The following TBCK variants were observed in gnomAD, a reference collection of about 807,000 sequenced individuals.
TBCK encodes TBC domain-containing protein kinase-like protein.
A neutral mutation model predicts 113.4 loss-of-function variants in TBCK; 99 were observed. The ratio of observed to expected loss-of-function variants is 0.87; its 90% CI spans 0.74 to 1.03. The LOEUF is 1.03. Ranked by LOEUF, TBCK falls within the 50% of genes least tolerant of loss-of-function variation. TBCK has a pLI of 0.00. For missense variants in TBCK, 1,045 were observed against 1,061.3 expected (o/e 0.98, Z 0.21); for synonymous variants, 369 against 370.8 (o/e 1.00, Z 0.05).
chr4:106,090,585 C>A (rs1287105742), intron 25 of TBCK, among the ~76,000 whole-genome samples: 1 of 152,144 alleles, frequency 6.6e-6, no homozygotes, highest in African/African-American at 2.4e-5. Context: ...TGCTCTGCTT[C>A]CCTTTTAAAT....
At chr4:106,117,942 G>T (rs1215640552) in intron 23 of TBCK, among the ~76,000 whole-genome samples, 1 of 151,308 alleles carries the variant, frequency 6.6e-6, no homozygotes, top group African/African-American at 2.4e-5. Flanking sequence ...CCGGGAGGCG[G>T]AGCTTGCAGT....
At chr4:106,103,124 A>T (rs1304055886) in intron 24 of TBCK, among the ~76,000 whole-genome samples, 1 of 152,180 alleles carries the variant, frequency 6.6e-6, no homozygotes, top group Non-Finnish European at 1.5e-5. Context: ...AAATATTATA[A>T]ATTAAGTCAA....
At chr4:106,266,053 T>C (rs1427872866) in intron 3 of TBCK, among the ~76,000 whole-genome samples, 3 of 151,674 alleles carry the variant, frequency 2.0e-5, no homozygotes, top group Non-Finnish European at 4.4e-5. Context: ...TAAACAGAGT[T>C]TTCATAAACA....
At chr4:106,205,717 G>A (rs1350359082) in intron 20 of TBCK, among the ~76,000 whole-genome samples, 1 of 149,488 alleles carries the variant, frequency 6.7e-6, no homozygotes, top group African/African-American at 2.5e-5. Context: ...AGTGAGCCGA[G>A]ATCACTGCAC....
In TBCK at chr4:106,202,806, T is replaced by G. The variant is rs188450832; in HGVS notation, c.1861-8052A>C. On this transcript the variant is annotated intron_variant, in intron 20 of 25. Transcript: ENST00000394708. ...TTCTCATTCAGTCAGTCATTCAATG[T>G]GAAGGGCCTCACCACACAATATTTT... is the stretch of plus-strand genomic sequence containing the variant. Among the ~76,000 whole-genome samples, 11 of 152,116 alleles carry G rather than the reference T, an allele frequency of 7.2e-5. No individual in the cohort carries two copies. The East Asian group carries it at 1.9e-3, about 27-fold the overall frequency.
intron 5 of TBCK, among the ~76,000 whole-genome samples, chr4:106,260,155 A>G (rs934997987): frequency 6.6e-6 from 1 of 151,926 alleles, no homozygotes; most frequent in Non-Finnish European, 1.5e-5. Flanking sequence ...AGTTGATTTG[A>G]TTCTGAATGA....
chr4:106,076,111 G>A (rs1299461873), intron 25 of TBCK, among the ~76,000 whole-genome samples: 1 of 152,228 alleles, frequency 6.6e-6, no homozygotes, highest in Non-Finnish European at 1.5e-5. Flanking sequence ...GCTCTGTAGA[G>A]GATGGCAGGG....
At chr4:106,083,322 G>C (rs571593154) in intron 25 of TBCK, among the ~76,000 whole-genome samples, 1 of 151,782 alleles carries the variant, frequency 6.6e-6, no homozygotes, top group African/African-American at 2.4e-5. Flanking sequence ...GGCAGTCTGC[G>C]GCCAAAGTGC....
intron 23 of TBCK, among the ~76,000 whole-genome samples, chr4:106,126,118 C>T (rs79660674): frequency 6.6e-6 from 1 of 152,168 alleles, no homozygotes; most frequent in South Asian, 2.1e-4. Context: ...CTTAGAAAGC[C>T]ACAACCTGTG....
intron 24 of TBCK, among the ~76,000 whole-genome samples, chr4:106,112,473 A>C (rs945473355): frequency 3.3e-4 from 50 of 152,324 alleles, no homozygotes; most frequent in African/African-American, 8.9e-4. Flanking sequence ...TCTGGTGGAA[A>C]TCACGTAATT....
intron 3 of TBCK, among the ~76,000 whole-genome samples, chr4:106,276,730 C>T: frequency 6.6e-6 from 1 of 151,888 alleles, no homozygotes; most frequent in East Asian, 1.9e-4. Flanking sequence ...AACCACATAT[C>T]TACTAAAAAC....
chr4:106,301,816 G>C (rs971040871), intron 2 of TBCK, among the ~76,000 whole-genome samples: 1 of 152,096 alleles, frequency 6.6e-6, no homozygotes, highest in African/African-American at 2.4e-5. Context: ...AGCAAGAACA[G>C]AATAAAAGAG....
intron 23 of TBCK, among the ~76,000 whole-genome samples, chr4:106,165,060 A>T (rs1324953546): frequency 2.6e-5 from 4 of 151,778 alleles, no homozygotes; most frequent in Non-Finnish European, 1.5e-5. Context: ...AACAATAATT[A>T]TTGCTCATTT....
chr4:106,105,309 C>T (rs1742018746), intron 24 of TBCK, among the ~76,000 whole-genome samples: 1 of 152,228 alleles, frequency 6.6e-6, no homozygotes, highest in Non-Finnish European at 1.5e-5. Flanking sequence ...TGATGACCTG[C>T]ATCTCTCTGG....
At chr4:106,305,646 G>T (rs1289040904) in intron 2 of TBCK, among the ~76,000 whole-genome samples, 2 of 152,164 alleles carry the variant, frequency 1.3e-5, no homozygotes, top group African/African-American at 4.8e-5. Flanking sequence ...GGTAAAGTGA[G>T]GCTGAGACCT....
intron 24 of TBCK, among the ~76,000 whole-genome samples, chr4:106,099,755 T>C (rs1741330086): frequency 6.6e-6 from 1 of 152,186 alleles, no homozygotes; most frequent in Non-Finnish European, 1.5e-5. Flanking sequence ...CTATTTCAGA[T>C]ATTGATTTGT....
In TBCK at chr4:106,229,009, C is replaced by T. The variant is rs933881814; in HGVS notation, c.1774+1354G>A. Among the ~76,000 whole-genome samples, 2 of 152,120 alleles carry T rather than the reference C, an allele frequency of 1.3e-5. 1 individual carries two copies. The highest frequency in any genetic ancestry group is 6.8e-3 in the Middle Eastern group (2 of 294). On this transcript the variant is annotated intron_variant, in intron 19 of 25. Transcript: ENST00000394708. ...TCTGATCATCAATGATGTTGAGCACCTTTTCAGAAGCCTGTTTGCCATGTG... is the reference window on the plus strand; with the variant it reads ...TCTGATCATCAATGATGTTGAGCACTTTTTCAGAAGCCTGTTTGCCATGTG...
At chr4:106,217,639 T>C (rs1406802732) in intron 19 of TBCK, among the ~76,000 whole-genome samples, 2 of 150,064 alleles carry the variant, frequency 1.3e-5, no homozygotes, top group Admixed American at 1.3e-4. Flanking sequence ...GAGAATAAAA[T>C]ACCTAGGAAT....
At chr4:106,235,841 G>C (rs1440105042) in intron 14 of TBCK, among the ~76,000 whole-genome samples, 4 of 152,014 alleles carry the variant, frequency 2.6e-5, no homozygotes, top group Admixed American at 6.6e-5. Flanking sequence ...TTCTAGAAGA[G>C]TATTAATAGG....
Sources: gnomAD v4.1 joint callset for allele counts (sites outside exome capture counted in the v4.1 genomes callset) on GRCh38, gnomAD v4.1.1 for gene constraint, MANE v1.5 for transcripts, NCBI Gene and HGNC (gene_info 2026-07-23, HGNC 2026-07-21) for gene names.